Variants in PGM3 observed in about 807,000 individuals in gnomAD.
The protein encoded by PGM3 is phosphoacetylglucosamine mutase.
Under a neutral mutation model 66.2 loss-of-function variants are expected in PGM3, and 40 were observed. The observed-to-expected ratio is 0.60, with a 90% CI of 0.47 to 0.79. The LOEUF is 0.79. PGM3 is among the 30% of genes least tolerant of loss of function. PGM3 has a pLI of 0.00. For missense variants in PGM3, 537 were observed against 643.4 expected (o/e 0.83, Z 1.79); for synonymous variants, 191 against 224.2 (o/e 0.85, Z 1.32).
chr6:83,164,529 T>A, downstream of PGM3: 1 of 862,856 alleles, frequency 1.2e-6, no homozygotes, highest in Non-Finnish European at 1.9e-6. Flanking sequence ...CCAAAATTTG[T>A]CCCACAGAAT....
At chr6:83,152,172 T>TATATAC in the PGM3 span, 3 of 853,798 alleles carry the variant, frequency 3.5e-6, no homozygotes, top group African/African-American at 1.8e-5. Flanking sequence ...GAAAAATATA[T>TATATAC]ATATACATAT....
chr6:83,182,795 G>T, intron 5 of PGM3, 50 bp downstream of exon 5: 3 of 1,534,070 alleles, frequency 2.0e-6, no homozygotes, highest in African/African-American at 2.7e-5. Context: ...AGTAGACCAT[G>T]TTACTTTATT....
intron 2 of PGM3, among the ~76,000 whole-genome samples, chr6:83,189,557 G>A (rs974470823): frequency 1.3e-5 from 2 of 151,430 alleles, no homozygotes; most frequent in East Asian, 3.9e-4. Context: ...GGGGGAAGAG[G>A]AGGTTACAAT....
chr6:83,168,683 C>T lies in PGM3; in HGVS notation c.*551G>A, dbSNP rs775690001. 1.0e-6 allele frequency: 1 copy of T among 995,120 alleles called. No homozygotes were observed. The highest frequency in any genetic ancestry group is 1.7e-5 in the African/African-American group (1 of 57,414). 61.6% of individuals were successfully genotyped at this position (995,120 alleles called of 1,614,324 possible). ...CCTTAAAAGTATTGCATGAGCATCT[C>T]CACCTCAGTATGGAAGAGGGATGGA... On this transcript the variant is annotated 3_prime_UTR_variant, in exon 13 of 13. Transcript: ENST00000513973.
At position 83,168,074 on chromosome 6, in the gene PGM3, A is replaced by T; in HGVS notation, c.*1160T>A. On this transcript the variant is annotated 3_prime_UTR_variant, in exon 13 of 13. Transcript: ENST00000513973. ...ATGCCTTCCCTAATAAGGACATGAA[A>T]CTGGAGAACCACAAACCATGTTCCA... 4 of 1,614,244 alleles carry T rather than the reference A, an allele frequency of 2.5e-6. No homozygotes were observed. Among genetic ancestry groups the T allele is most frequent in the Non-Finnish European group, 3.4e-6 (4 of 1,180,042 alleles).
intron 7 of PGM3, 27 bp from the exon 8 acceptor site, chr6:83,178,783 T>C: frequency 7.8e-7 from 1 of 1,273,996 alleles, no homozygotes; most frequent in Non-Finnish European, 1.1e-6. Context: ...ATACTTAACT[T>C]GCCATCAAAA....
chr6:83,151,762 C>T, the PGM3 span: 20 of 1,439,466 alleles, frequency 1.4e-5, no homozygotes, highest in Admixed American at 2.1e-5. Flanking sequence ...CAACTCTGAA[C>T]ATTCTATGGG....
In PGM3 at chr6:83,193,253, T is replaced by C. The variant is rs140702813; in HGVS notation, c.-77A>G. 3,747 of 152,312 alleles carry C rather than the reference T, an allele frequency of 0.025. 71 individuals are homozygous for C. The highest frequency in any genetic ancestry group is 0.061 in the Admixed American group (937 of 15,304). The allele number at this position is 152,312 out of a possible 1,614,324, so 9.4% of individuals were successfully genotyped here. A position where few individuals can be genotyped will look rare whatever the true frequency, so the allele number is the denominator to read the frequency against. ...CAACAACGTCTGCACCCAAACCCAG[T>C]CCTCAGAACCGCAGACGTGGCCCTG... On this transcript the variant is annotated 5_prime_UTR_variant, in exon 1 of 13. Transcript: ENST00000513973.
chr6:83,172,438 A>T (rs1361274440), intron 10 of PGM3, among the ~76,000 whole-genome samples: 3 of 152,054 alleles, frequency 2.0e-5, no homozygotes, highest in African/African-American at 7.2e-5. Context: ...TGCACTCCTG[A>T]CCTCACTGTC....
chr6:83,179,467 G>C (rs1228992933), intron 7 of PGM3, among the ~76,000 whole-genome samples: 1 of 152,066 alleles, frequency 6.6e-6, no homozygotes, highest in Non-Finnish European at 1.5e-5. Context: ...ATCATAATCA[G>C]TTAATATATC....
At chr6:83,176,290 A>C (rs989947662) in intron 8 of PGM3, among the ~76,000 whole-genome samples, 1 of 152,222 alleles carries the variant, frequency 6.6e-6, no homozygotes. Context: ...GGGTCTCCTT[A>C]TAAGACACGA....
downstream of PGM3, among the ~76,000 whole-genome samples, chr6:83,159,110 G>C (rs1432050550): frequency 6.6e-6 from 1 of 152,060 alleles, no homozygotes; most frequent in Non-Finnish European, 1.5e-5. Context: ...TTAAGACCAA[G>C]TTTCTTGAAT....
At chr6:83,173,128 G>A (rs1161449494) in intron 10 of PGM3, among the ~76,000 whole-genome samples, 2 of 152,164 alleles carry the variant, frequency 1.3e-5, no homozygotes, top group African/African-American at 4.8e-5. Context: ...AAAATCCAGT[G>A]AATCTGGAAC....
the PGM3 span, among the ~76,000 whole-genome samples, chr6:83,149,976 T>C: frequency 6.6e-6 from 1 of 152,174 alleles, no homozygotes; most frequent in Non-Finnish European, 1.5e-5. Flanking sequence ...AGTTATCTGA[T>C]GATTTTGGAG....
rs1032720488 is a variant in PGM3 at position 83,166,624 on chromosome 6, T to C, written c.*2610A>G. The C allele has an allele frequency of 6.0e-6, 5 of 828,262 alleles. No individual in the cohort carries two copies. In the African/African-American group the frequency reaches 8.7e-5, roughly 14 times the overall value. The allele number at this position is 828,262 out of a possible 1,614,324, so 51.3% of individuals were successfully genotyped here. ...TAACCACATTTATTTAAGAATGTAC[T>C]CCAATATAAAACGGCAAATTTCAAC... On this transcript the variant is annotated 3_prime_UTR_variant, in exon 13 of 13. Transcript: ENST00000513973.
At chr6:83,151,212 G>A in the PGM3 span, among the ~76,000 whole-genome samples, 1 of 152,128 alleles carries the variant, frequency 6.6e-6, no homozygotes, top group South Asian at 2.1e-4. Context: ...GAGTGCAGTG[G>A]TTATTCACAG....
chr6:83,187,467 T>C (rs1339446978), intron 3 of PGM3, among the ~76,000 whole-genome samples: 4 of 152,170 alleles, frequency 2.6e-5, no homozygotes, highest in African/African-American at 9.7e-5. Flanking sequence ...TAGAACCTGT[T>C]TTCCATTTTG....
At chr6:83,178,523 A>T in intron 8 of PGM3, 150 bp downstream of exon 8, 1 of 598,568 alleles carries the variant, frequency 1.7e-6, no homozygotes, top group South Asian at 2.0e-5. Flanking sequence ...GGACAACTAA[A>T]TTTTTTCTTA....
Position 83,170,400 on chromosome 6 carries a change from TG to T in PGM3, c.1443del (p.Asn482MetfsTer4). On this transcript the variant is annotated frameshift_variant, in exon 12 of 13. Transcript: ENST00000513973. LOFTEE classifies it high-confidence loss of function. ...AGCTTGTACTTCTTCACCAGGTCAT[TG>T]ATTGCCTCCTGTAATCCTGGGGGTG... ...AVTPPGLQEA[I>X]NDLVKKYKLS... 6.2e-7 allele frequency: 1 copy of T among 1,614,140 alleles called. No homozygotes were observed. Among genetic ancestry groups the T allele is most frequent in the South Asian group, 1.1e-5 (1 of 91,080 alleles).
Sources: gnomAD v4.1 joint callset for allele counts (sites outside exome capture counted in the v4.1 genomes callset) on GRCh38, gnomAD v4.1.1 for gene constraint, MANE v1.5 for transcripts, NCBI Gene and HGNC (gene_info 2026-07-23, HGNC 2026-07-21) for gene names.